Variants in RYR3 observed in about 807,000 individuals in gnomAD.
RYR3 encodes brain ryanodine receptor-calcium release channel.
A neutral mutation model predicts 584.3 loss-of-function variants in RYR3; 207 were observed. That is an observed-to-expected ratio of 0.35 (90% confidence interval 0.32 to 0.40). RYR3 has a LOEUF of 0.40. RYR3 is among the 10% of genes least tolerant of loss of function. The pLI is 1.00. For missense variants in RYR3, 5,616 were observed against 6,089.2 expected, an observed-to-expected ratio of 0.92 and a Z score of 2.59; for synonymous variants, 2,416 against 2,248.5, an observed-to-expected ratio of 1.07 and a Z score of -2.11.
chr15:33,597,079 T>A (rs2059414802), intron 16 of RYR3, among the ~76,000 whole-genome samples: 1 of 152,242 alleles, frequency 6.6e-6, no homozygotes. Flanking sequence ...AAGATACAAC[T>A]ATTATCATTA....
chr15:33,599,328 A>G (rs1490574716), intron 16 of RYR3, among the ~76,000 whole-genome samples: 1 of 152,222 alleles, frequency 6.6e-6, no homozygotes, highest in Non-Finnish European at 1.5e-5. Flanking sequence ...TATTTTGCCA[A>G]GGTTGAGGAC....
intron 1 of RYR3, among the ~76,000 whole-genome samples, chr15:33,470,539 T>A (rs1242919291): frequency 6.6e-6 from 1 of 151,916 alleles, no homozygotes; most frequent in Non-Finnish European, 1.5e-5. Context: ...GAACTGGAAG[T>A]CTTTATAAAA....
chr15:33,454,108 G>A (rs1322989440), intron 1 of RYR3, among the ~76,000 whole-genome samples: 3 of 152,208 alleles, frequency 2.0e-5, no homozygotes, highest in Non-Finnish European at 4.4e-5. Context: ...GATTTGTGAG[G>A]TGGGAGGCTC....
intron 7 of RYR3, among the ~76,000 whole-genome samples, chr15:33,542,060 GGTCCTTATAGAAGT>G (rs1310613537): frequency 6.6e-6 from 1 of 152,146 alleles, no homozygotes; most frequent in Non-Finnish European, 1.5e-5. Context: ...CATGTCAAAA[GGTCCTTATAGAAGT>G]GTTGAGTGCC....
At chr15:33,653,437 C>T (rs576821622) in intron 32 of RYR3, among the ~76,000 whole-genome samples, 26 of 152,122 alleles carry the variant, frequency 1.7e-4, no homozygotes, top group Middle Eastern at 3.4e-3. Flanking sequence ...TTTGGGAGGC[C>T]GAGGCGGGGG....
Position 33,838,926 on chromosome 15 carries a change from G to T in RYR3, c.12946G>T (p.Glu4316Ter). The T allele has an allele frequency of 6.2e-7, 1 of 1,613,606 alleles. No individual in the cohort carries two copies. Among genetic ancestry groups the T allele is most frequent in the Non-Finnish European group, 8.5e-7 (1 of 1,179,714 alleles). ...IIGKDEPPTL[E>*]STVQKKRKAQ... ...TGGCAAGGATGAACCCCCTACATTA[G>T]AGAGTACTGTACAGAAGAAGAGGAA... Residue 4316 changes from glutamate to a stop codon, truncating the protein, a stop_gained, in exon 89 of 104, where the codon GAG becomes TAG. Coordinates refer to ENST00000634891, the MANE Select transcript of RYR3 (RefSeq NM_001036.6). LOFTEE classifies it high-confidence loss of function.
At chr15:33,566,396 G>T (rs373263081) in intron 11 of RYR3, among the ~76,000 whole-genome samples, 1 of 152,066 alleles carries the variant, frequency 6.6e-6, no homozygotes, top group African/African-American at 2.4e-5. Flanking sequence ...GTATGTTATC[G>T]CCCTTTCAAA....
At chr15:33,487,580 C>G (rs1282470849) in intron 2 of RYR3, among the ~76,000 whole-genome samples, 1 of 152,124 alleles carries the variant, frequency 6.6e-6, no homozygotes, top group Non-Finnish European at 1.5e-5. Context: ...GAACAGAGTT[C>G]ACTAAGAATG....
chr15:33,550,132 C>T (rs1035112740), intron 9 of RYR3, 28 bp from the exon 10 acceptor site: 2 of 1,603,846 alleles, frequency 1.2e-6, no homozygotes, highest in African/African-American at 1.3e-5. Context: ...TGTATAAATG[C>T]AATTTCTTGT....
intron 8 of RYR3, among the ~76,000 whole-genome samples, chr15:33,547,072 G>A (rs1420488126): frequency 1.3e-5 from 2 of 152,300 alleles, no homozygotes; most frequent in Non-Finnish European, 2.9e-5. Flanking sequence ...CTCTTAAACT[G>A]TGAATTTTGT....
intron 1 of RYR3, among the ~76,000 whole-genome samples, chr15:33,410,210 T>C (rs1386429835): frequency 6.6e-6 from 1 of 152,152 alleles, no homozygotes; most frequent in Non-Finnish European, 1.5e-5. Context: ...ATTAAGCAAA[T>C]CCTTGGGGCT....
At chr15:33,351,814 G>A (rs1973308776) in intron 1 of RYR3, among the ~76,000 whole-genome samples, 1 of 150,364 alleles carries the variant, frequency 6.7e-6, no homozygotes, top group African/African-American at 2.4e-5. Context: ...TACTGAATGG[G>A]CAAAAACTGG....
intron 3 of RYR3, among the ~76,000 whole-genome samples, chr15:33,510,819 TC>T (rs958909737): frequency 1.3e-5 from 2 of 152,174 alleles, no homozygotes; most frequent in African/African-American, 4.8e-5. Flanking sequence ...CCCTTTCCTT[TC>T]CCCTCCTTAC....
rs561537571 is a variant in RYR3 at position 33,723,525 on chromosome 15, C to T, written c.6801-540C>T. On this transcript the variant is annotated intron_variant, in intron 44 of 103. Transcript: ENST00000634891. ...CTTTATCACAGCCTTTAGGTTAGAC[C>T]GTAGAATCTAGAGAGTGGGCATAAC... Among the ~76,000 whole-genome samples the T allele has an allele frequency of 1.1e-4, 16 of 152,200 alleles. No individual in the cohort carries two copies. The South Asian group carries it at 3.3e-3, about 32-fold the overall frequency.
intron 28 of RYR3, among the ~76,000 whole-genome samples, chr15:33,645,601 G>T (rs1198279262): frequency 6.6e-6 from 1 of 152,124 alleles, no homozygotes; most frequent in Non-Finnish European, 1.5e-5. Flanking sequence ...AAATAGAATT[G>T]AAGTATTCTT....
At chr15:33,501,963 T>C (rs2052028434) in intron 2 of RYR3, among the ~76,000 whole-genome samples, 1 of 152,156 alleles carries the variant, frequency 6.6e-6, no homozygotes, top group Admixed American at 6.5e-5. Context: ...GTTAATGGTT[T>C]TAATAAAAAA....
chr15:33,753,400 A>G (rs563005896), intron 57 of RYR3, among the ~76,000 whole-genome samples: 23 of 152,330 alleles, frequency 1.5e-4, no homozygotes, highest in African/African-American at 4.3e-4. Flanking sequence ...ACATAAGTCA[A>G]AATCATCTAG....
chr15:33,601,625 C>T, intron 17 of RYR3, 73 bp downstream of exon 17: 2 of 1,539,148 alleles, frequency 1.3e-6, no homozygotes, highest in Non-Finnish European at 1.8e-6. Context: ...GAAAAGAGGG[C>T]TCATCTGAAC....
chr15:33,839,082 G>C, intron 89 of RYR3, 124 bp downstream of exon 89: 3 of 1,196,008 alleles, frequency 2.5e-6, no homozygotes, highest in African/African-American at 3.1e-5. Flanking sequence ...AGTGGCTGTG[G>C]TGTGATTACG....
Sources: gnomAD v4.1 joint callset for allele counts (sites outside exome capture counted in the v4.1 genomes callset) on GRCh38, gnomAD v4.1.1 for gene constraint, MANE v1.5 for transcripts, NCBI Gene and HGNC (gene_info 2026-07-23, HGNC 2026-07-21) for gene names.